The following SP140L variants were observed in gnomAD, a reference collection of about 807,000 sequenced individuals.
SP140L encodes nuclear body protein SP140-like protein.
In SP140L, 64 loss-of-function variants were observed where a neutral mutation model predicts 84.3. That is an observed-to-expected ratio of 0.76 (90% CI 0.62 to 0.94). SP140L has a LOEUF of 0.94. SP140L is among the 40% of genes least tolerant of loss of function. SP140L has a pLI of 0.00. For synonymous variants in SP140L, 242 were observed against 236.9 expected (o/e 1.02, Z -0.20); for missense variants, 628 against 692.5 (o/e 0.91, Z 1.05).
At chr2:230,376,328 T>C (rs1284578486) in intron 7 of SP140L, among the ~76,000 whole-genome samples, 8 of 152,202 alleles carry the variant, frequency 5.3e-5, no homozygotes, top group African/African-American at 1.9e-4. Context: ...CCAGGTGACA[T>C]TATCTTCTAC....
At position 230,401,663 on chromosome 2, in the gene SP140L, G is replaced by C; in HGVS notation, c.1501-1G>C. On this transcript the variant is annotated splice_acceptor_variant, in intron 17 of 18. Coordinates refer to ENST00000415673, the MANE Select transcript of SP140L (RefSeq NM_138402.6). LOFTEE classifies it high-confidence loss of function. The stretch of plus-strand genomic sequence containing the variant: ...TTTTCCATTGGTATATTTGTCACCA[G>C]ATTAGAGAGGCGTGTCAAGGCCTGA... 7.6e-7 allele frequency: 1 copy of C among 1,309,868 alleles called. No individual in the cohort carries two copies. Among genetic ancestry groups the C allele is most frequent in the Non-Finnish European group, 1.1e-6 (1 of 935,856 alleles). 81.1% of individuals were successfully genotyped at this position (1,309,868 alleles called of 1,614,324 possible). A position where few individuals can be genotyped will look rare whatever the true frequency, so the allele number is the denominator to read the frequency against.
At chr2:230,343,744 G>GT (rs1202395817) in intron 2 of SP140L, among the ~76,000 whole-genome samples, 1 of 152,082 alleles carries the variant, frequency 6.6e-6, no homozygotes, top group Non-Finnish European at 1.5e-5. Flanking sequence ...AGCATCTATT[G>GT]TTTTTTGACT....
intron 2 of SP140L, among the ~76,000 whole-genome samples, chr2:230,345,950 T>G (rs2060195953): frequency 6.6e-6 from 1 of 152,180 alleles, no homozygotes; most frequent in Non-Finnish European, 1.5e-5. Context: ...TTTGACTAAA[T>G]TTTACCTTTA....
intron 7 of SP140L, among the ~76,000 whole-genome samples, chr2:230,375,753 A>AT (rs1161972679): frequency 6.6e-6 from 1 of 152,052 alleles, no homozygotes; most frequent in East Asian, 1.9e-4. Context: ...TTATGACATG[A>AT]TTTTGTTTTG....
chr2:230,393,722 T>G (rs1190477027), intron 13 of SP140L, among the ~76,000 whole-genome samples: 1 of 152,200 alleles, frequency 6.6e-6, no homozygotes, highest in African/African-American at 2.4e-5. Context: ...CTGAATGTGT[T>G]TCAGCAATAG....
chr2:230,366,219 A>G (rs556130749), intron 5 of SP140L, among the ~76,000 whole-genome samples: 31 of 152,270 alleles, frequency 2.0e-4, no homozygotes, highest in African/African-American at 6.5e-4. Flanking sequence ...AGGGTATGAA[A>G]GTCTTTTACT....
chr2:230,331,279 CTCT>C (rs2149672334), intron 2 of SP140L, among the ~76,000 whole-genome samples: 1 of 152,164 alleles, frequency 6.6e-6, no homozygotes, highest in South Asian at 2.1e-4. Flanking sequence ...TATTTTTAAT[CTCT>C]TATTATGCCT....
intron 2 of SP140L, among the ~76,000 whole-genome samples, chr2:230,356,518 G>A (rs1399160082): frequency 6.6e-6 from 1 of 152,228 alleles, no homozygotes. Flanking sequence ...TGAAATCCAA[G>A]AGCAGGCAGT....
chr2:230,339,925 C>T (rs1440201445), intron 2 of SP140L, among the ~76,000 whole-genome samples: 1 of 150,304 alleles, frequency 6.7e-6, no homozygotes. Flanking sequence ...AGTATGTGGT[C>T]AATTTTGGAA....
At chr2:230,370,592 A>G (rs1575494467) in intron 5 of SP140L, among the ~76,000 whole-genome samples, 2 of 152,204 alleles carry the variant, frequency 1.3e-5, no homozygotes, top group African/African-American at 2.4e-5. Flanking sequence ...GAGAATCAGA[A>G]GAGCTTGCTT....
rs1350978234 is a variant in SP140L, at chr2:230,400,188, C to CT, written c.1261dup (p.Cys421LeufsTer7). On this transcript the variant is annotated frameshift_variant, in exon 15 of 19. Transcript: ENST00000415673. LOFTEE classifies it high-confidence loss of function. ...GGAGGGGAGCTGTTCTGTTGCGACA[C>CT]TTGTTCAAGAGTCTTCCATGAGGAC... The CT allele has an allele frequency of 6.2e-7, 1 of 1,614,062 alleles. No individual in the cohort carries two copies. The highest frequency in any genetic ancestry group is 1.3e-5 in the African/African-American group (1 of 74,926).
chr2:230,357,706 G>C, intron 2 of SP140L, 99 bp from the exon 3 acceptor site: 2 of 1,197,248 alleles, frequency 1.7e-6, no homozygotes, highest in Non-Finnish European at 2.4e-6. Context: ...TATATATGTT[G>C]GTTCTTCATA....
At chr2:230,368,663 T>C (rs1161087270) in intron 5 of SP140L, among the ~76,000 whole-genome samples, 1 of 152,200 alleles carries the variant, frequency 6.6e-6, no homozygotes, top group South Asian at 2.1e-4. Flanking sequence ...TTCTTTTTCC[T>C]TCTCTAGCTG....
intron 7 of SP140L, among the ~76,000 whole-genome samples, chr2:230,380,777 T>A (rs1431294375): frequency 1.3e-5 from 2 of 152,198 alleles, no homozygotes; most frequent in African/African-American, 4.8e-5. Context: ...CAGCATGTTT[T>A]TGAGATTCAT....
At chr2:230,389,772 C>T in intron 10 of SP140L, 147 bp from the exon 11 acceptor site, 1 of 769,986 alleles carries the variant, frequency 1.3e-6, no homozygotes. Context: ...ATCAAAAATG[C>T]CACTTGGAAG....
intron 8 of SP140L, 57 bp downstream of exon 8, chr2:230,383,632 T>A: frequency 6.5e-7 from 1 of 1,532,736 alleles, no homozygotes; most frequent in South Asian, 1.2e-5. Flanking sequence ...CGCTGTCCAT[T>A]GTATTCTGGA....
chr2:230,365,526 C>CT (rs994999037), intron 5 of SP140L, among the ~76,000 whole-genome samples: 1 of 150,396 alleles, frequency 6.6e-6, no homozygotes, highest in Non-Finnish European at 1.5e-5. Context: ...TGAGTCTTTT[C>CT]TTTTTTTTTA....
Position 230,385,441 on chromosome 2 carries a change from A to G in SP140L, c.784+137A>G. ...GAGCAGTGAAATCTAAAAAACAGCAAACCCATTAGAAGCCAGAGTTGTAAG... is the reference window on the plus strand; with the variant it reads ...GAGCAGTGAAATCTAAAAAACAGCAGACCCATTAGAAGCCAGAGTTGTAAG... On this transcript the variant is annotated intron_variant, in intron 9 of 18. Transcript: ENST00000415673. 3 of 700,360 alleles carry G rather than the reference A, an allele frequency of 4.3e-6. No homozygotes were observed. In the Admixed American group the frequency reaches 8.8e-5, roughly 21 times the overall value. The allele number at this position is 700,360 out of a possible 1,614,324, so 43.4% of individuals were successfully genotyped here.
chr2:230,351,560 C>T (rs188226086), intron 2 of SP140L, among the ~76,000 whole-genome samples: 4 of 152,240 alleles, frequency 2.6e-5, no homozygotes, highest in East Asian at 1.9e-4. Flanking sequence ...ACATTTAAAT[C>T]GATTAAGAGA....
Sources: allele counts gnomAD v4.1 joint callset (sites outside exome capture counted in the v4.1 genomes callset), GRCh38; gene constraint gnomAD v4.1.1; transcripts MANE v1.5; gene names NCBI Gene and HGNC (gene_info 2026-07-23, HGNC 2026-07-21).